The following DDX6 variants were observed in gnomAD, a reference collection of about 807,000 sequenced individuals.
The protein encoded by DDX6 is DEAD-box helicase 6, also known as probable ATP-dependent RNA helicase DDX6.
DDX6 carries 7 observed loss-of-function variants against 60.6 expected under a neutral mutation model. The ratio of observed to expected loss-of-function variants is 0.12; its 90% CI spans 0.07 to 0.22. The LOEUF (loss-of-function observed/expected upper bound fraction) is 0.22, where lower values mean the gene tolerates loss of function less well. DDX6 is among the 10% of genes least tolerant of loss of function. The pLI, the probability that DDX6 is intolerant of heterozygous loss-of-function variation, is 1.00. For synonymous variants in DDX6, 207 were observed against 201.0 expected (o/e 1.03, Z -0.25); for missense variants, 270 against 589.9 (o/e 0.46, Z 5.62).
At chr11:118,754,584 T>G in intron 13 of DDX6, 121 bp downstream of exon 13, 2 of 794,452 alleles carry the variant, frequency 2.5e-6, no homozygotes. Context: ...TCATTTATGC[T>G]AGTGGGTATT....
chr11:118,790,901 C>T (rs2137581411), intron 1 of DDX6, 197 bp downstream of exon 1: 1 of 152,916 alleles, frequency 6.5e-6, no homozygotes, highest in Admixed American at 6.5e-5. Context: ...GAGGCCACTC[C>T]CGCTCGGCAC....
In DDX6 at chr11:118,749,460, A is replaced by G. The variant is rs556338995; in HGVS notation, c.*2645T>C. On this transcript the variant is annotated 3_prime_UTR_variant, in exon 14 of 14. Coordinates refer to ENST00000534980, the MANE Select transcript of DDX6 (RefSeq NM_004397.6). ...CAAGAGTCAAGCACCAAAACTGGAC[A>G]GCTGCCTCTACAAGACCGTGTCCAG... 14 of 151,286 alleles carry G rather than the reference A, an allele frequency of 9.3e-5. No homozygotes were observed. In the East Asian group the frequency reaches 9.7e-4, roughly 11 times the overall value. 9.4% of individuals were successfully genotyped at this position (151,286 alleles called of 1,614,324 possible). A position where few individuals can be genotyped will look rare whatever the true frequency, so the allele number is the denominator to read the frequency against.
intron 10 of DDX6, among the ~76,000 whole-genome samples, chr11:118,756,590 T>G (rs1860985267): frequency 6.6e-6 from 1 of 152,196 alleles, no homozygotes; most frequent in African/African-American, 2.4e-5. Flanking sequence ...AATTCTGAAA[T>G]TTAGATATTG....
At chr11:118,756,058 G>A (rs1343960702) in intron 11 of DDX6, among the ~76,000 whole-genome samples, 1 of 130,666 alleles carries the variant, frequency 7.7e-6, no homozygotes, top group Non-Finnish European at 1.5e-5. Flanking sequence ...AGGTATGAGT[G>A]CCAGAGTAAG....
At chr11:118,758,958 T>A (rs1861072062) in intron 8 of DDX6, 56 bp from the exon 9 acceptor site, 1 of 1,604,416 alleles carries the variant, frequency 6.2e-7, no homozygotes, top group Admixed American at 1.7e-5. Flanking sequence ...GCAGAGTTCA[T>A]CTCAAATTCA....
chr11:118,776,736 G>T (rs1017189662), intron 4 of DDX6, among the ~76,000 whole-genome samples: 1 of 151,968 alleles, frequency 6.6e-6, no homozygotes, highest in African/African-American at 2.4e-5. Flanking sequence ...GGGAGGCTGA[G>T]GCAGGGGAAT....
rs1198672331 is a variant in DDX6 at position 118,747,867 on chromosome 11, T to TACATACA, written c.*4231_*4237dup. On this transcript the variant is annotated 3_prime_UTR_variant, in exon 14 of 14. Coordinates refer to ENST00000534980, the MANE Select transcript of DDX6 (RefSeq NM_004397.6). ...CAGCAGACTCCGGTCCATATATGCGTACATACAACATAACACATCCCAACA... is the reference window on the plus strand; with the variant it reads ...CAGCAGACTCCGGTCCATATATGCGTACATACAACATACAACATAACACATCCCAACA... The TACATACA allele has an allele frequency of 6.8e-6, 1 of 146,582 alleles. No homozygotes were observed. The highest frequency in any genetic ancestry group is 2.5e-5 in the African/African-American group (1 of 39,320). The allele number at this position is 146,582 out of a possible 1,614,324, so 9.1% of individuals were successfully genotyped here.
chr11:118,763,704 G>A (rs181980336), intron 6 of DDX6, among the ~76,000 whole-genome samples: 87 of 151,800 alleles, frequency 5.7e-4, no homozygotes, highest in African/African-American at 2.0e-3. Context: ...TGTGGTGGTG[G>A]GAGCCTGTAA....
At chr11:118,768,798 C>G (rs1209956502) in intron 4 of DDX6, among the ~76,000 whole-genome samples, 3 of 151,814 alleles carry the variant, frequency 2.0e-5, no homozygotes, top group African/African-American at 7.3e-5. Context: ...CACTTGAGCC[C>G]AGGAGTTCAA....
At position 118,765,274 on chromosome 11, in the gene DDX6, G is replaced by T. The variant is rs1403807646; in HGVS notation, c.581C>A (p.Ala194Asp). 1 of 1,613,014 alleles carries T rather than the reference G, an allele frequency of 6.2e-7. No homozygotes were observed. Among genetic ancestry groups the T allele is most frequent in the Non-Finnish European group, 8.5e-7 (1 of 1,179,868 alleles). Residue 194 changes from alanine (A) to aspartate (D), a missense_variant, in exon 6 of 14, where the codon GCC becomes GAC. Around this residue, in one of 8 missense-constraint regions of DDX6, gnomAD observed 17 missense variants for 81.7 expected, o/e 0.21. Coordinates refer to ENST00000534980, the MANE Select transcript of DDX6 (RefSeq NM_004397.6). Reference sequence around the variant, plus strand: ...TCCTCCTGTGGTTGCCATCACTTTGGCCCCTCCCATGTGTTTGCTGACCTG... The same window carrying T: ...TCCTCCTGTGGTTGCCATCACTTTGTCCCCTCCCATGTGTTTGCTGACCTG... ...CIQVSKHMGG[A>D]KVMATTGGTN...
At chr11:118,754,094 AAAAAAC>A (rs1411055060) in intron 13 of DDX6, among the ~76,000 whole-genome samples, 2 of 151,826 alleles carry the variant, frequency 1.3e-5, no homozygotes, top group Non-Finnish European at 2.9e-5. Context: ...CAAGACTCTC[AAAAAAC>A]AAAAACAACA....
chr11:118,774,464 C>A (rs77260107), intron 4 of DDX6, among the ~76,000 whole-genome samples: 1 of 116,406 alleles, frequency 8.6e-6, no homozygotes, highest in Non-Finnish European at 1.7e-5. Flanking sequence ...CTCTAACAGT[C>A]TTTTTTTTTT....
rs1860655282 is a variant in DDX6 at position 118,748,967 on chromosome 11, T to C, written c.*3138A>G. 6.6e-6 allele frequency: 1 copy of C among 152,218 alleles called. No homozygotes were observed. The highest frequency in any genetic ancestry group is 1.5e-5 in the Non-Finnish European group (1 of 68,036). 9.4% of individuals were successfully genotyped at this position (152,218 alleles called of 1,614,324 possible). A position where few individuals can be genotyped will look rare whatever the true frequency, so the allele number is the denominator to read the frequency against. On this transcript the variant is annotated 3_prime_UTR_variant, in exon 14 of 14. Coordinates refer to ENST00000534980, the MANE Select transcript of DDX6 (RefSeq NM_004397.6). Reference sequence around the variant, plus strand: ...CCTTTGGGGCCAACCCATTTTATGCTGCTGGGACCAACTTCAAACAATTTA... The same window carrying C: ...CCTTTGGGGCCAACCCATTTTATGCCGCTGGGACCAACTTCAAACAATTTA...
At chr11:118,757,495 T>TTC (rs1555159230) in intron 9 of DDX6, among the ~76,000 whole-genome samples, 1 of 152,164 alleles carries the variant, frequency 6.6e-6, no homozygotes, top group Admixed American at 6.5e-5. Context: ...TAGAGTATAT[T>TTC]TCTTAAGGGC....
rs1381995921 is a variant in DDX6 at position 118,756,255 on chromosome 11, C to A, written c.1174+5G>T. 1 of 1,612,054 alleles carries A rather than the reference C, an allele frequency of 6.2e-7. No individual in the cohort carries two copies. Among genetic ancestry groups the A allele is most frequent in the Non-Finnish European group, 8.5e-7 (1 of 1,178,728 alleles). ...ACTGGGTAAAGGAAATACAAAAATA[C>A]TTACCAGTGCAAACAAGATTGCGGC... is the stretch of plus-strand genomic sequence containing the variant. On this transcript the variant is annotated splice_donor_5th_base_variant and intron_variant, in intron 11 of 13. Coordinates refer to ENST00000534980, the MANE Select transcript of DDX6 (RefSeq NM_004397.6).
In DDX6 at chr11:118,756,342, T is replaced by G; in HGVS notation, c.1111-19A>C. ...GATGTTCCTAGGAGAAAGCAATGTA[T>G]TCCATTTGATTAACACTCATATACA... is the stretch of plus-strand genomic sequence containing the variant. On this transcript the variant is annotated intron_variant, in intron 10 of 13. Transcript: ENST00000534980. 1 of 1,598,680 alleles carries G rather than the reference T, an allele frequency of 6.3e-7. No individual in the cohort carries two copies. Among genetic ancestry groups the G allele is most frequent in the East Asian group, 2.2e-5 (1 of 44,792 alleles).
chr11:118,786,437 G>GCT lies in DDX6; in HGVS notation c.-188_-187dup. On this transcript the variant is annotated 5_prime_UTR_variant, in exon 2 of 14. Transcript: ENST00000534980. The stretch of plus-strand genomic sequence containing the variant: ...TCTGAACGGTAAGCAGCAGTAACTT[G>GCT]CTCTCTTGCACGGAATCAACTTTTT... 2.2e-6 allele frequency: 1 copy of GCT among 445,668 alleles called. No individual in the cohort carries two copies. The allele number at this position is 445,668 out of a possible 1,614,324, so 27.6% of individuals were successfully genotyped here.
At chr11:118,768,486 T>C in intron 4 of DDX6, 134 bp from the exon 5 acceptor site, 1 of 862,840 alleles carries the variant, frequency 1.2e-6, no homozygotes, top group Non-Finnish European at 1.8e-6. Context: ...GAATTCTACA[T>C]GAATAGCAGA....
In DDX6 at chr11:118,748,181, C is replaced by G. The variant is rs182242421; in HGVS notation, c.*3924G>C. 1 of 152,120 alleles carries G rather than the reference C, an allele frequency of 6.6e-6. No individual in the cohort carries two copies. The highest frequency in any genetic ancestry group is 1.5e-5 in the Non-Finnish European group (1 of 68,026). 9.4% of individuals were successfully genotyped at this position (152,120 alleles called of 1,614,324 possible). ...GTATCTTAATAACCCAGCCCTACCCCCTCCCTTACCCAGCATTGTCTACTG... is the reference window on the plus strand; with the variant it reads ...GTATCTTAATAACCCAGCCCTACCCGCTCCCTTACCCAGCATTGTCTACTG... On this transcript the variant is annotated 3_prime_UTR_variant, in exon 14 of 14. Coordinates refer to ENST00000534980, the MANE Select transcript of DDX6 (RefSeq NM_004397.6).
Sources: allele counts gnomAD v4.1 joint callset (sites outside exome capture counted in the v4.1 genomes callset), GRCh38; gene constraint gnomAD v4.1.1; regional missense constraint gnomAD v4.1.1; transcripts MANE v1.5; gene names NCBI Gene and HGNC (gene_info 2026-07-23, HGNC 2026-07-21).